Variants in MYO3A observed in about 807,000 individuals in gnomAD.
MYO3A encodes the protein myosin-IIIa.
Under a neutral mutation model 192.7 loss-of-function variants are expected in MYO3A, and 180 were observed. The observed-to-expected ratio is 0.93, with a 90% CI of 0.83 to 1.06. MYO3A has a LOEUF of 1.06. Ranked by LOEUF, MYO3A falls within the 50% of genes least tolerant of loss-of-function variation. The pLI, the probability that MYO3A is intolerant of heterozygous loss-of-function variation, is 0.00. For missense variants in MYO3A, 1,896 were observed against 1,905.0 expected, an observed-to-expected ratio of 1.00 and a Z score of 0.09; for synonymous variants, 628 against 645.3, an observed-to-expected ratio of 0.97 and a Z score of 0.41.
At chr10:26,000,861 A>C (rs1840753244) in intron 6 of MYO3A, among the ~76,000 whole-genome samples, 1 of 152,184 alleles carries the variant, frequency 6.6e-6, no homozygotes, top group Non-Finnish European at 1.5e-5. Context: ...ATTGACTCAC[A>C]GTTCCACAGG....
At chr10:26,071,204 A>G (rs1210754678) in intron 14 of MYO3A, among the ~76,000 whole-genome samples, 1 of 152,186 alleles carries the variant, frequency 6.6e-6, no homozygotes, top group African/African-American at 2.4e-5. Flanking sequence ...AGGATGACAT[A>G]CAGATTGACT....
chr10:26,154,073 G>A (rs1840957050), intron 24 of MYO3A, 144 bp downstream of exon 24: 3 of 675,650 alleles, frequency 4.4e-6, no homozygotes, highest in East Asian at 2.8e-5. Flanking sequence ...AGATATTTAT[G>A]TTATGTTCTT....
chr10:26,040,676 G>A lies in MYO3A; in HGVS notation c.953+14144G>A, dbSNP rs1407533501. Among the ~76,000 whole-genome samples, 6 of 152,112 alleles carry A rather than the reference G, an allele frequency of 3.9e-5. 1 individual carries two copies. Among genetic ancestry groups the A allele is most frequent in the South Asian group, 4.1e-4 (2 of 4,826 alleles). On this transcript the variant is annotated intron_variant, in intron 10 of 34. Transcript: ENST00000642920. ...TATTCTTGGGGTAAATGGGAAAAGC[G>A]TTCATTTCTATGTGTTTGTGTAGTT...
rs574125383 is a variant in MYO3A, at chr10:26,099,538, G to T, written c.1776+2856G>T. On this transcript the variant is annotated intron_variant, in intron 17 of 34. Coordinates refer to ENST00000642920, the MANE Select transcript of MYO3A (RefSeq NM_017433.5). ...TTTCTGCCAATTCAGTATGATATTG[G>T]CTGTGGGTTTGTCATAAATAACTCT... Among the ~76,000 whole-genome samples, 7 of 152,264 alleles carry T rather than the reference G, an allele frequency of 4.6e-5. No individual in the cohort carries two copies. The East Asian group carries it at 1.2e-3, about 25-fold the overall frequency.
chr10:26,140,847 C>G (rs1239719750), intron 20 of MYO3A, among the ~76,000 whole-genome samples: 6 of 152,178 alleles, frequency 3.9e-5, no homozygotes, highest in African/African-American at 1.2e-4. Flanking sequence ...GTAGGAATTA[C>G]ATTAGCTAAA....
At chr10:25,983,887 A>G (rs977718716) in intron 4 of MYO3A, among the ~76,000 whole-genome samples, 1 of 152,208 alleles carries the variant, frequency 6.6e-6, no homozygotes, top group Non-Finnish European at 1.5e-5. Flanking sequence ...TATAAAAGAA[A>G]ACCTATCAGA....
At chr10:26,027,542 G>C (rs1219913196) in intron 10 of MYO3A, among the ~76,000 whole-genome samples, 2 of 151,992 alleles carry the variant, frequency 1.3e-5, no homozygotes, top group African/African-American at 4.8e-5. Flanking sequence ...ACGAGGTTCT[G>C]CCATGTTGCC....
At chr10:26,192,427 C>T (rs924981813) in intron 31 of MYO3A, among the ~76,000 whole-genome samples, 94 of 152,200 alleles carry the variant, frequency 6.2e-4, no homozygotes, top group African/African-American at 2.0e-3. Context: ...AAATGAAGAT[C>T]GTGCAGTGCT....
intron 14 of MYO3A, among the ~76,000 whole-genome samples, chr10:26,077,724 C>G (rs1162870719): frequency 6.6e-6 from 1 of 152,004 alleles, no homozygotes; most frequent in Non-Finnish European, 1.5e-5. Flanking sequence ...TGGATTTTGT[C>G]AAATGCTTTT....
At chr10:26,180,652 T>G (rs1302390654) in intron 31 of MYO3A, among the ~76,000 whole-genome samples, 2 of 151,732 alleles carry the variant, frequency 1.3e-5, no homozygotes, top group South Asian at 2.1e-4. Flanking sequence ...TATAGTTATA[T>G]AGATAGATAT....
chr10:26,028,804 C>T (rs182645667), intron 10 of MYO3A, among the ~76,000 whole-genome samples: 3 of 152,270 alleles, frequency 2.0e-5, no homozygotes, highest in East Asian at 3.9e-4. Context: ...CTCCTTGCCC[C>T]CTAGAGTCCT....
In MYO3A at chr10:26,174,204, G is replaced by A; in HGVS notation, c.3940G>A (p.Ala1314Thr). The change falls in exon 30 of 35, where the codon GCA (alanine) becomes ACA (threonine). Residue 1314 changes from alanine (A) to threonine (T), a missense_variant. Physicochemically the swap from Ala to Thr is moderately conservative, Grantham distance 58. Transcript: ENST00000642920. Reference protein sequence around the residue: ...EKKTSVVTQRAPICSQEEGRG... With the variant: ...EKKTSVVTQRTPICSQEEGRG... ...GAAGACATCTGTAGTTACCCAGCGT[G>A]CACCGATATGCAGCCAGGAGGAAGG... The A allele has an allele frequency of 6.2e-7, 1 of 1,614,224 alleles. No individual in the cohort carries two copies. Among genetic ancestry groups the A allele is most frequent in the Non-Finnish European group, 8.5e-7 (1 of 1,180,048 alleles).
intron 31 of MYO3A, among the ~76,000 whole-genome samples, chr10:26,192,575 C>T (rs1589110379): frequency 6.6e-6 from 1 of 151,960 alleles, no homozygotes; most frequent in South Asian, 2.1e-4. Context: ...CTGAACTGCT[C>T]TATTCAATTC....
chr10:25,987,808 CTAAAAG>C (rs1309790553), intron 4 of MYO3A, among the ~76,000 whole-genome samples: 2 of 152,122 alleles, frequency 1.3e-5, no homozygotes, highest in Admixed American at 1.3e-4. Flanking sequence ...CCTTAAAGAA[CTAAAAG>C]TAAATCTACC....
At chr10:26,007,882 C>T (rs1339065996) in intron 6 of MYO3A, among the ~76,000 whole-genome samples, 1 of 152,074 alleles carries the variant, frequency 6.6e-6, no homozygotes, top group Non-Finnish European at 1.5e-5. Flanking sequence ...GAAAAAACTA[C>T]TTTACAGTTC....
At chr10:26,106,782 G>A (rs1483178998) in intron 17 of MYO3A, among the ~76,000 whole-genome samples, 2 of 152,008 alleles carry the variant, frequency 1.3e-5, no homozygotes, top group African/African-American at 4.8e-5. Context: ...TCTGTTGATA[G>A]ATTTCTTAAT....
At chr10:26,153,758 C>A in intron 23 of MYO3A, 92 bp from the exon 24 acceptor site, 1 of 835,018 alleles carries the variant, frequency 1.2e-6, no homozygotes. Flanking sequence ...GCAGGATTAA[C>A]AATGCTTATT....
chr10:26,209,455 A>G (rs74129116), intron 34 of MYO3A, among the ~76,000 whole-genome samples: 2,053 of 152,280 alleles, frequency 0.013, 48 homozygotes, highest in African/African-American at 0.046. Flanking sequence ...ATGAAAGAGT[A>G]ATGATACTAC....
intron 4 of MYO3A, among the ~76,000 whole-genome samples, chr10:25,977,604 A>C (rs2130774721): frequency 6.6e-6 from 1 of 152,294 alleles, no homozygotes; most frequent in Middle Eastern, 3.4e-3. Flanking sequence ...AATTAAAATA[A>C]GTGGGGTGTA....
Sources: allele counts gnomAD v4.1 joint callset (sites outside exome capture counted in the v4.1 genomes callset), GRCh38; gene constraint gnomAD v4.1.1; transcripts MANE v1.5; gene names NCBI Gene and HGNC (gene_info 2026-07-23, HGNC 2026-07-21).